Variants in MARK1 observed in about 807,000 individuals in gnomAD.
The protein encoded by MARK1 is serine/threonine-protein kinase MARK1.
In MARK1, 40 loss-of-function variants were observed where a neutral mutation model predicts 96.3. The ratio of observed to expected loss-of-function variants is 0.42; its 90% CI spans 0.32 to 0.54. The LOEUF is 0.54. Ranked by LOEUF, MARK1 falls within the 20% of genes least tolerant of loss-of-function variation. The pLI, the probability that MARK1 is intolerant of heterozygous loss-of-function variation, is 0.16. For missense variants in MARK1, 719 were observed against 984.6 expected (o/e 0.73, Z 3.61); for synonymous variants, 317 against 341.2 (o/e 0.93, Z 0.78).
intron 1 of MARK1, among the ~76,000 whole-genome samples, chr1:220,549,650 G>A (rs912705130): frequency 3.9e-5 from 6 of 152,224 alleles, no homozygotes; most frequent in Non-Finnish European, 8.8e-5. Flanking sequence ...AATTAGAGCA[G>A]AGTACAGAAG....
chr1:220,564,658 C>T (rs1662917736), intron 1 of MARK1, among the ~76,000 whole-genome samples: 1 of 151,910 alleles, frequency 6.6e-6, no homozygotes, highest in Non-Finnish European at 1.5e-5. Context: ...CCTGTGTGTA[C>T]CTTTCTTATA....
intron 3 of MARK1, among the ~76,000 whole-genome samples, chr1:220,583,571 C>T (rs1283012393): frequency 6.6e-6 from 1 of 151,792 alleles, no homozygotes; most frequent in African/African-American, 2.4e-5. Context: ...TTTAGTTCTT[C>T]CTCTTCAAAG....
rs552973378 is a variant in MARK1 at position 220,556,343 on chromosome 1, T to A, written c.52-23011T>A. On this transcript the variant is annotated intron_variant, in intron 1 of 17. Coordinates refer to ENST00000366917, the MANE Select transcript of MARK1 (RefSeq NM_018650.5). ...TGATTATTCTAAATAAATGAAAACA[T>A]CAGCTCCATGCTATATGTCGAGTAG... 3.0e-4 allele frequency among the ~76,000 whole-genome samples: 45 copies of A among 152,118 alleles called. 1 individual carries two copies. The South Asian group carries it at 8.5e-3, about 29-fold the overall frequency.
chr1:220,598,285 CTTGT>C, intron 3 of MARK1, 42 bp from the exon 4 acceptor site: 2 of 522,276 alleles, frequency 3.8e-6, no homozygotes, highest in Non-Finnish European at 7.4e-6. Context: ...TCTCTGCTTG[CTTGT>C]TTTTTTTTAA....
At chr1:220,568,202 G>A (rs545363923) in intron 1 of MARK1, among the ~76,000 whole-genome samples, 5 of 152,026 alleles carry the variant, frequency 3.3e-5, no homozygotes, top group African/African-American at 9.7e-5. Flanking sequence ...TCTTATGAGG[G>A]TGAGAAAACA....
intron 5 of MARK1, among the ~76,000 whole-genome samples, chr1:220,603,593 A>G (rs1248374221): frequency 6.6e-6 from 1 of 152,036 alleles, no homozygotes; most frequent in Non-Finnish European, 1.5e-5. Flanking sequence ...AAATAAATCA[A>G]TGTGGATGGA....
intron 9 of MARK1, among the ~76,000 whole-genome samples, chr1:220,630,032 TCCATAGCAGCTGCA>T (rs893516108): frequency 2.6e-5 from 4 of 152,206 alleles, no homozygotes; most frequent in Non-Finnish European, 5.9e-5. Context: ...TGTACTATTT[TCCATAGCAGCTGCA>T]CCATTTTAGA....
At chr1:220,598,704 G>A (rs1005960419) in intron 4 of MARK1, among the ~76,000 whole-genome samples, 1 of 151,720 alleles carries the variant, frequency 6.6e-6, no homozygotes, top group Non-Finnish European at 1.5e-5. Flanking sequence ...AAAAAAAAAT[G>A]TCTTTCTGGC....
At chr1:220,559,560 A>C (rs1273208160) in intron 1 of MARK1, among the ~76,000 whole-genome samples, 2 of 152,252 alleles carry the variant, frequency 1.3e-5, no homozygotes, top group Non-Finnish European at 2.9e-5. Context: ...GAGCATGTTT[A>C]TATGCTATTG....
rs1449064626 is a variant in MARK1 at position 220,636,015 on chromosome 1, A to C, written c.1459A>C (p.Thr487Pro). ...LVGPERKKSS[T>P]IPSNNVYSGG... ...AGGGCCAGAGAGGAAAAAATCTTCA[A>C]CTATTCCAAGTGTGAGTAAATACTC... Residue 487 changes from threonine to proline, a missense_variant, in exon 13 of 18, where the codon ACT (threonine) becomes CCT (proline). Thr to Pro is a conservative substitution (Grantham distance 38). Transcript: ENST00000366917. 2 of 1,610,820 alleles carry C rather than the reference A, an allele frequency of 1.2e-6. No individual in the cohort carries two copies. Among genetic ancestry groups the C allele is most frequent in the African/African-American group, 1.3e-5 (1 of 74,894 alleles).
At position 220,661,941 on chromosome 1, in the gene MARK1, C is replaced by T; in HGVS notation, c.2163C>T (p.Ile721=). 6.2e-7 allele frequency: 1 copy of T among 1,614,102 alleles called. No homozygotes were observed. Among genetic ancestry groups the T allele is most frequent in the Non-Finnish European group, 8.5e-7 (1 of 1,180,028 alleles). The part of the protein sequence containing the change: ...SMDPNDMMRE[I]RKVLDANNCD... ...ACCCTAATGACATGATGAGAGAAATCCGAAAAGTGTTAGATGCAAATAACT... is the reference window on the plus strand; with the variant it reads ...ACCCTAATGACATGATGAGAGAAATTCGAAAAGTGTTAGATGCAAATAACT... The change falls in exon 18 of 18, where the codon ATC becomes ATT. Residue 721 remains isoleucine, a synonymous_variant. Transcript: ENST00000366917.
Position 220,653,223 on chromosome 1 carries a change from G to T in MARK1, c.1859G>T (p.Arg620Leu), listed in dbSNP as rs1238037285. 4 of 1,614,088 alleles carry T rather than the reference G, an allele frequency of 2.5e-6. No individual in the cohort carries two copies. The highest frequency in any genetic ancestry group is 3.4e-6 in the Non-Finnish European group (4 of 1,180,046). Residue 620 changes from arginine to leucine, a missense_variant, in exon 16 of 18, where the codon CGG becomes CTG. Coordinates refer to ENST00000366917, the MANE Select transcript of MARK1 (RefSeq NM_018650.5). ...AGCACTTTCCATGGTGAACAGCTCCGGGAGCGACGCAGCGTTGCTTATAAT... is the reference window on the plus strand; with the variant it reads ...AGCACTTTCCATGGTGAACAGCTCCTGGAGCGACGCAGCGTTGCTTATAAT... The part of the protein sequence containing the change: ...SRSTFHGEQL[R>L]ERRSVAYNGP...
intron 9 of MARK1, among the ~76,000 whole-genome samples, chr1:220,630,428 A>T (rs913617873): frequency 6.6e-6 from 1 of 152,156 alleles, no homozygotes; most frequent in Admixed American, 6.6e-5. Flanking sequence ...TTAACAGCCC[A>T]GGACTGTCTG....
intron 13 of MARK1, among the ~76,000 whole-genome samples, chr1:220,641,962 C>G (rs971733065): frequency 6.6e-6 from 1 of 152,204 alleles, no homozygotes; most frequent in Non-Finnish European, 1.5e-5. Flanking sequence ...GCCCTGGGTC[C>G]CAAGCACAAA....
chr1:220,553,150 C>T (rs1661983735), intron 1 of MARK1, among the ~76,000 whole-genome samples: 1 of 152,154 alleles, frequency 6.6e-6, no homozygotes, highest in Non-Finnish European at 1.5e-5. Flanking sequence ...AGATTTCCTC[C>T]TTGTTACTAA....
At chr1:220,531,770 C>A (rs1660332528) in intron 1 of MARK1, among the ~76,000 whole-genome samples, 1 of 151,910 alleles carries the variant, frequency 6.6e-6, no homozygotes, top group African/African-American at 2.4e-5. Context: ...TACAACAGGA[C>A]AACCAATGAT....
intron 1 of MARK1, among the ~76,000 whole-genome samples, chr1:220,535,062 T>C (rs994549493): frequency 2.0e-5 from 3 of 152,106 alleles, no homozygotes; most frequent in African/African-American, 7.2e-5. Flanking sequence ...ATGTTAGTTC[T>C]ATTGTTGGGT....
intron 2 of MARK1, among the ~76,000 whole-genome samples, chr1:220,580,575 G>C (rs1558273774): frequency 6.6e-6 from 1 of 152,082 alleles, no homozygotes; most frequent in African/African-American, 2.4e-5. Flanking sequence ...GGTTCCTTCT[G>C]TCTATTCTGA....
At chr1:220,616,864 T>G (rs1666781157) in intron 7 of MARK1, among the ~76,000 whole-genome samples, 1 of 152,166 alleles carries the variant, frequency 6.6e-6, no homozygotes, top group Non-Finnish European at 1.5e-5. Context: ...AACTCCCAGT[T>G]TATCATCTCA....
Sources: gnomAD v4.1 joint callset for allele counts (sites outside exome capture counted in the v4.1 genomes callset) on GRCh38, gnomAD v4.1.1 for gene constraint, MANE v1.5 for transcripts, NCBI Gene and HGNC (gene_info 2026-07-23, HGNC 2026-07-21) for gene names.